The following FNDC3A variants were observed in gnomAD, a reference collection of about 807,000 sequenced individuals.
FNDC3A encodes the protein fibronectin type III domain containing 3A.
Under a neutral mutation model 148.9 loss-of-function variants are expected in FNDC3A, and 32 were observed. That is an observed-to-expected ratio of 0.21 (90% CI 0.16 to 0.29). The LOEUF (loss-of-function observed/expected upper bound fraction) is 0.29. Ranked by LOEUF, FNDC3A falls within the 10% of genes least tolerant of loss-of-function variation. FNDC3A has a pLI of 1.00. For synonymous variants in FNDC3A, 472 were observed against 473.6 expected, an observed-to-expected ratio of 1.00 and a Z score of 0.04; for missense variants, 1,191 against 1,452.8, an observed-to-expected ratio of 0.82 and a Z score of 2.93.
At chr13:49,177,162 G>T (rs922275654) in intron 13 of FNDC3A, among the ~76,000 whole-genome samples, 2 of 152,078 alleles carry the variant, frequency 1.3e-5, no homozygotes, top group African/African-American at 4.8e-5. Flanking sequence ...GTGTATATAT[G>T]TCTGTCTGTG....
At chr13:49,172,197 C>A in intron 11 of FNDC3A, 101 bp downstream of exon 11, 1 of 680,528 alleles carries the variant, frequency 1.5e-6, no homozygotes, top group Non-Finnish European at 2.5e-6. Context: ...ATTCTTCTGT[C>A]AAAAAAAGTA....
intron 3 of FNDC3A, among the ~76,000 whole-genome samples, chr13:49,087,522 C>G (rs1878893346): frequency 6.6e-6 from 1 of 151,788 alleles, no homozygotes; most frequent in Non-Finnish European, 1.5e-5. Flanking sequence ...TAGATAAGAG[C>G]TAGGAAATGA....
chr13:49,005,011 T>C lies in FNDC3A; in HGVS notation c.-39-1141T>C, dbSNP rs1952195472. Among the ~76,000 whole-genome samples the C allele has an allele frequency of 2.0e-5, 3 of 152,028 alleles. No homozygotes were observed. The South Asian group carries it at 6.2e-4, about 32-fold the overall frequency. Reference sequence around the variant, plus strand: ...CAGAAGTTAGATTTGCATTATTTTATATATAAACATTATGTTTAAAGAATA... The same window carrying C: ...CAGAAGTTAGATTTGCATTATTTTACATATAAACATTATGTTTAAAGAATA... On this transcript the variant is annotated intron_variant, in intron 1 of 25. Coordinates refer to ENST00000492622, the MANE Select transcript of FNDC3A (RefSeq NM_001079673.2).
intron 1 of FNDC3A, chr13:48,977,057 A>T (rs184400545): frequency 1.3e-5 from 2 of 152,224 alleles, no homozygotes; most frequent in African/African-American, 2.4e-5. Flanking sequence ...GTGGAATGCG[A>T]TGATTTGCTG....
intron 2 of FNDC3A, among the ~76,000 whole-genome samples, chr13:49,040,929 C>T (rs1216968164): frequency 6.6e-6 from 1 of 152,068 alleles, no homozygotes; most frequent in East Asian, 1.9e-4. Flanking sequence ...GGTAATATAA[C>T]TAGTTTATAA....
chr13:49,070,881 C>CTTTTT (rs758290861), intron 2 of FNDC3A, among the ~76,000 whole-genome samples: 61 of 120,914 alleles, frequency 5.0e-4, no homozygotes, highest in South Asian at 1.3e-3. Flanking sequence ...AACAGGATTT[C>CTTTTT]TTTTTTTTTT....
rs562661233 is a variant in FNDC3A, at chr13:48,989,740, TC to T, written c.-40+13564del. On this transcript the variant is annotated intron_variant, in intron 1 of 25. Transcript: ENST00000492622. ...TCTGCTAAAACACATCATAATCAAATCACTTAAAGATAACTTTTTTTTTTTT... is the reference window on the plus strand; with the variant it reads ...TCTGCTAAAACACATCATAATCAAATACTTAAAGATAACTTTTTTTTTTTT... Among the ~76,000 whole-genome samples the T allele has an allele frequency of 1.4e-3, 210 of 151,232 alleles. 1 individual carries two copies. The highest frequency in any genetic ancestry group is 3.5e-3 in the Middle Eastern group (1 of 288).
rs547665432 is a variant in FNDC3A at position 49,072,945 on chromosome 13, GCTCTTTATTTCTGT to G, written c.100-2338_100-2325del. On this transcript the variant is annotated intron_variant, in intron 2 of 25. Coordinates refer to ENST00000492622, the MANE Select transcript of FNDC3A (RefSeq NM_001079673.2). ...TGACTTCTTCTTTTCTTCTTTGTAT[GCTCTTTATTTCTGT>G]CTCTTGCCTAATTTCTCTGGCTGGA... Among the ~76,000 whole-genome samples the G allele has an allele frequency of 2.1e-4, 32 of 152,266 alleles. No individual in the cohort carries two copies. In the East Asian group the frequency reaches 5.6e-3, roughly 27 times the overall value.
At chr13:49,125,235 C>T (rs962667198) in intron 4 of FNDC3A, among the ~76,000 whole-genome samples, 4 of 152,210 alleles carry the variant, frequency 2.6e-5, no homozygotes, top group African/African-American at 7.2e-5. Flanking sequence ...TGCTGCTCTC[C>T]TGGGGACAAC....
At chr13:49,087,816 A>G (rs934973772) in intron 3 of FNDC3A, among the ~76,000 whole-genome samples, 7 of 152,160 alleles carry the variant, frequency 4.6e-5, no homozygotes, top group African/African-American at 1.7e-4. Context: ...GTTTTTTATA[A>G]GAGGGGAAGT....
At chr13:49,050,113 AT>A (rs973020141) in intron 2 of FNDC3A, among the ~76,000 whole-genome samples, 3 of 151,342 alleles carry the variant, frequency 2.0e-5, no homozygotes, top group South Asian at 2.1e-4. Flanking sequence ...TATGTTTTGT[AT>A]TTTTTTTGTT....
chr13:49,135,684 A>G (rs1566274536), intron 5 of FNDC3A, among the ~76,000 whole-genome samples: 2 of 152,088 alleles, frequency 1.3e-5, no homozygotes, highest in Admixed American at 1.3e-4. Flanking sequence ...AATTTAAAAA[A>G]CTCTGGGGAC....
chr13:49,132,024 G>C, intron 5 of FNDC3A, among the ~76,000 whole-genome samples: 1 of 151,908 alleles, frequency 6.6e-6, no homozygotes, highest in Admixed American at 6.5e-5. Flanking sequence ...CTTTTTTTCC[G>C]TCCCTTCATC....
chr13:49,103,022 T>C (rs1014210822), intron 3 of FNDC3A, among the ~76,000 whole-genome samples: 1 of 152,208 alleles, frequency 6.6e-6, no homozygotes, highest in South Asian at 2.1e-4. Context: ...TTAGGTGACA[T>C]TGCTTAAGCA....
In FNDC3A at chr13:49,043,591, A is replaced by G. The variant is rs145595676; in HGVS notation, c.100-31698A>G. Reference sequence around the variant, plus strand: ...TTAAAACATGCTGTCATGATAGTGTAATTGGAATATGATCCTTGTAATTTT... The same window carrying G: ...TTAAAACATGCTGTCATGATAGTGTGATTGGAATATGATCCTTGTAATTTT... On this transcript the variant is annotated intron_variant, in intron 2 of 25. Coordinates refer to ENST00000492622, the MANE Select transcript of FNDC3A (RefSeq NM_001079673.2). Among the ~76,000 whole-genome samples the G allele has an allele frequency of 2.7e-3, 406 of 152,302 alleles. 2 individuals carry two copies. The highest frequency in any genetic ancestry group is 7.7e-3 in the African/African-American group (319 of 41,564).
At chr13:49,110,272 CA>C in intron 3 of FNDC3A, 1 of 1,388,580 alleles carries the variant, frequency 7.2e-7, no homozygotes, top group Non-Finnish European at 9.7e-7. Context: ...GTGACTCGGT[CA>C]AAGGATCTTT....
intron 11 of FNDC3A, among the ~76,000 whole-genome samples, chr13:49,173,388 A>C (rs1435899463): frequency 6.6e-6 from 1 of 152,248 alleles, no homozygotes; most frequent in Non-Finnish European, 1.5e-5. Context: ...AAATTAAGGA[A>C]GAGTATTTGA....
chr13:49,112,937 T>C lies in FNDC3A; in HGVS notation c.176-1718T>C, dbSNP rs568678360. On this transcript the variant is annotated intron_variant, in intron 3 of 25. Transcript: ENST00000492622. ...AGAGTATCTTATTGAAAAGTTCTTT[T>C]CACAGCCAGATATTATATAGTGTAA... Among the ~76,000 whole-genome samples the C allele has an allele frequency of 1.6e-4, 24 of 152,252 alleles. No homozygotes were observed. In the South Asian group the frequency reaches 5.0e-3, roughly 31 times the overall value.
At chr13:48,989,048 C>T (rs1033207600) in intron 1 of FNDC3A, among the ~76,000 whole-genome samples, 21 of 152,074 alleles carry the variant, frequency 1.4e-4, no homozygotes, top group African/African-American at 4.8e-4. Context: ...TGCCTGTTTC[C>T]ACTAGCTAGA....
Sources: gnomAD v4.1 joint callset for allele counts (sites outside exome capture counted in the v4.1 genomes callset) on GRCh38, gnomAD v4.1.1 for gene constraint, MANE v1.5 for transcripts, NCBI Gene and HGNC (gene_info 2026-07-23, HGNC 2026-07-21) for gene names.